The following MMD2 variants were observed in gnomAD, a reference collection of about 807,000 sequenced individuals.
MMD2 encodes monocyte to macrophage differentiation associated 2.
Under a neutral mutation model 33.5 loss-of-function variants are expected in MMD2, and 30 were observed. The observed-to-expected ratio is 0.90, with a 90% CI of 0.67 to 1.22. The LOEUF is 1.22. Among genes scored for constraint, MMD2 ranks in the 50% most tolerant of loss-of-function variants. The pLI, the probability that MMD2 is intolerant of heterozygous loss-of-function variation, is 0.00. For missense variants in MMD2, 364 were observed against 325.4 expected (o/e 1.12, Z -0.91); for synonymous variants, 129 against 123.0 (o/e 1.05, Z -0.32).
intron 3 of MMD2, among the ~76,000 whole-genome samples, chr7:4,916,854 T>C (rs2115098398): frequency 6.6e-6 from 1 of 152,234 alleles, no homozygotes; most frequent in South Asian, 2.1e-4. Context: ...GAGAATTGCT[T>C]GAGCTCAGGA....
downstream of MMD2, among the ~76,000 whole-genome samples, chr7:4,902,013 G>A (rs1452393998): frequency 2.0e-5 from 3 of 152,092 alleles, no homozygotes; most frequent in Admixed American, 6.6e-5. Flanking sequence ...GTGCAGTGGC[G>A]CAATCTCGGC....
chr7:4,937,653 C>T (rs192940330), intron 1 of MMD2, among the ~76,000 whole-genome samples: 386 of 152,222 alleles, frequency 2.5e-3, no homozygotes, highest in Admixed American at 5.6e-3. Flanking sequence ...GGACTGCAGG[C>T]ATGCACCACC....
intron 1 of MMD2, among the ~76,000 whole-genome samples, chr7:4,947,430 G>T (rs553798137): frequency 7.3e-5 from 11 of 149,968 alleles, no homozygotes; most frequent in Middle Eastern, 3.4e-3. Context: ...GTCTCGCTCT[G>T]TTGCACAGGC....
chr7:4,937,121 G>A (rs1345309156), intron 1 of MMD2, among the ~76,000 whole-genome samples: 1 of 151,462 alleles, frequency 6.6e-6, no homozygotes, highest in Non-Finnish European at 1.5e-5. Flanking sequence ...TTGTGGGCCG[G>A]GCATGGTGGC....
chr7:4,925,879 T>C (rs760749587), intron 1 of MMD2, among the ~76,000 whole-genome samples: 1 of 152,222 alleles, frequency 6.6e-6, no homozygotes, highest in Non-Finnish European at 1.5e-5. Flanking sequence ...AGTGGTGTGA[T>C]CTCAGCTCAC....
intron 1 of MMD2, among the ~76,000 whole-genome samples, chr7:4,948,548 A>G (rs1304997322): frequency 2.0e-5 from 3 of 151,940 alleles, no homozygotes; most frequent in African/African-American, 7.2e-5. Flanking sequence ...AAAGAAATCC[A>G]CATGTTGAAA....
downstream of MMD2, among the ~76,000 whole-genome samples, chr7:4,904,018 G>T (rs300531): frequency 0.43 from 64,778 of 151,916 alleles, 14,649 homozygotes; most frequent in East Asian, 0.63. Flanking sequence ...CTACAACCTC[G>T]GCCTCCCGAG....
At chr7:4,917,191 T>A (rs547421723) in intron 3 of MMD2, among the ~76,000 whole-genome samples, 40 of 151,044 alleles carry the variant, frequency 2.6e-4, no homozygotes, top group African/African-American at 7.3e-4. Flanking sequence ...AAGGCCTGGG[T>A]TCGAATTCCA....
At chr7:4,952,988 T>G (rs1786289469) in intron 1 of MMD2, among the ~76,000 whole-genome samples, 1 of 149,468 alleles carries the variant, frequency 6.7e-6, no homozygotes, top group Non-Finnish European at 1.5e-5. Context: ...TTTTTTGTTT[T>G]TTGTTTGTTT....
At position 4,940,499 on chromosome 7, in the gene MMD2, T is replaced by C. The variant is rs1785878482; in HGVS notation, c.48-14967A>G. 6.6e-6 allele frequency among the ~76,000 whole-genome samples: 1 copy of C among 152,228 alleles called. No homozygotes were observed. The highest frequency in any genetic ancestry group is 1.5e-5 in the Non-Finnish European group (1 of 68,042). On this transcript the variant is annotated intron_variant, in intron 1 of 6. Coordinates refer to ENST00000401401, the MANE Select transcript of MMD2 (RefSeq NM_198403.4). The surrounding 1 kb of genome is among the most constrained non-coding windows in gnomAD (Gnocchi z 5.0). ...CTACACAAAGGGGGTTCTGTCCGTC[T>C]GTCCCACAGAGGCAAGGGACCACGC...
chr7:4,917,791 A>G (rs978031523), intron 3 of MMD2, among the ~76,000 whole-genome samples: 4 of 152,156 alleles, frequency 2.6e-5, no homozygotes, highest in Non-Finnish European at 5.9e-5. Flanking sequence ...ATAACCCTCA[A>G]TACATGGGAC....
intron 1 of MMD2, among the ~76,000 whole-genome samples, chr7:4,951,583 T>A (rs982387663): frequency 2.0e-5 from 3 of 152,080 alleles, no homozygotes; most frequent in African/African-American, 7.2e-5. Flanking sequence ...CCATCCAGCA[T>A]CTAGCACTAC....
At chr7:4,929,415 C>T (rs1252091459) in intron 1 of MMD2, among the ~76,000 whole-genome samples, 1 of 152,152 alleles carries the variant, frequency 6.6e-6, no homozygotes, top group African/African-American at 2.4e-5. Context: ...GAAGCCCCCC[C>T]CAGGAGCCCA....
chr7:4,940,925 T>C lies in MMD2; in HGVS notation c.48-15393A>G, dbSNP rs1350596031. ...GCTCCCAGCCTTGGCGCCCACCCTG[T>C]GGCTCCCCGGGAAATCTCTTCCCCT... On this transcript the variant is annotated intron_variant, in intron 1 of 6. Transcript: ENST00000401401. The surrounding 1 kb of genome is among the most constrained non-coding windows in gnomAD (Gnocchi z 5.0). Among the ~76,000 whole-genome samples, 1 of 152,144 alleles carries C rather than the reference T, an allele frequency of 6.6e-6. No individual in the cohort carries two copies. The highest frequency in any genetic ancestry group is 1.5e-5 in the Non-Finnish European group (1 of 68,022).
Position 4,906,226 on chromosome 7 carries a change from A to G in MMD2, c.*1170T>C. The G allele has an allele frequency of 2.8e-6, 1 of 354,888 alleles. No individual in the cohort carries two copies. Among genetic ancestry groups the G allele is most frequent in the Non-Finnish European group, 5.0e-6 (1 of 198,274 alleles). The allele number at this position is 354,888 out of a possible 1,614,324, so 22.0% of individuals were successfully genotyped here. A position where few individuals can be genotyped will look rare whatever the true frequency, so the allele number is the denominator to read the frequency against. ...AGCTGGGCCTGCTACTCACCTCCCC[A>G]GTAAATGTCCAGGCAGCATTGGACA... On this transcript the variant is annotated 3_prime_UTR_variant, in exon 7 of 7. Coordinates refer to ENST00000401401, the MANE Select transcript of MMD2 (RefSeq NM_198403.4).
At chr7:4,919,969 A>T (rs906187124) in intron 3 of MMD2, among the ~76,000 whole-genome samples, 2 of 152,206 alleles carry the variant, frequency 1.3e-5, no homozygotes, top group African/African-American at 2.4e-5. Flanking sequence ...CGCCCTGAAG[A>T]GACTCAACCG....
chr7:4,952,099 G>A (rs1373250315), intron 1 of MMD2, among the ~76,000 whole-genome samples: 2 of 152,212 alleles, frequency 1.3e-5, no homozygotes, highest in African/African-American at 4.8e-5. Flanking sequence ...GACAAGCCAG[G>A]GACGCCCACC....
chr7:4,909,627 G>A (rs566323460), intron 6 of MMD2: 11 of 654,878 alleles, frequency 1.7e-5, no homozygotes, highest in South Asian at 1.3e-4. Context: ...TTTAGAGATG[G>A]GTCTTGCTAT....
intron 1 of MMD2, among the ~76,000 whole-genome samples, chr7:4,932,247 G>T (rs1410420915): frequency 3.3e-5 from 5 of 152,162 alleles, no homozygotes. Context: ...AGGGGAGAGG[G>T]AGGCCCGGAG....
Sources: gnomAD v4.1 joint callset for allele counts (sites outside exome capture counted in the v4.1 genomes callset) on GRCh38, gnomAD v4.1.1 for gene constraint, Gnocchi (gnomAD v3.1) non-coding constraint, MANE v1.5 for transcripts, NCBI Gene and HGNC (gene_info 2026-07-23, HGNC 2026-07-21) for gene names.